Variants in ADAMTS6 observed in about 807,000 individuals in gnomAD.
ADAMTS6 encodes the protein ADAM metallopeptidase with thrombospondin type 1 motif 6.
Under a neutral mutation model 144.3 loss-of-function variants are expected in ADAMTS6, and 23 were observed. The ratio of observed to expected loss-of-function variants is 0.16; its 90% CI spans 0.11 to 0.23. ADAMTS6 has a LOEUF of 0.23. ADAMTS6 is among the 10% of genes least tolerant of loss of function. The pLI is 1.00. For missense variants in ADAMTS6, 999 were observed against 1,379.6 expected (o/e 0.72, Z 4.37); for synonymous variants, 444 against 457.5 (o/e 0.97, Z 0.38).
At chr5:65,358,692 G>C (rs530881012) in intron 7 of ADAMTS6, among the ~76,000 whole-genome samples, 1 of 152,002 alleles carries the variant, frequency 6.6e-6, no homozygotes, top group Non-Finnish European at 1.5e-5. Flanking sequence ...TAGCCCAAGG[G>C]AACAGAACAG....
rs568032786 is a variant in ADAMTS6 at position 65,320,985 on chromosome 5, A to G, written c.1223+8393T>C. 2.0e-5 allele frequency among the ~76,000 whole-genome samples: 3 copies of G among 152,210 alleles called. 1 individual carries two copies. The South Asian group carries it at 6.2e-4, about 32-fold the overall frequency. Reference sequence around the variant, plus strand: ...TTTAGGTTGATTTCATGTCTTTGCTATTGTGCATAGGGCTGCAATGAACAT... The same window carrying G: ...TTTAGGTTGATTTCATGTCTTTGCTGTTGTGCATAGGGCTGCAATGAACAT... On this transcript the variant is annotated intron_variant, in intron 9 of 24. Transcript: ENST00000381055.
At chr5:65,370,781 A>G (rs1436628010) in intron 7 of ADAMTS6, among the ~76,000 whole-genome samples, 1 of 152,210 alleles carries the variant, frequency 6.6e-6, no homozygotes, top group African/African-American at 2.4e-5. Context: ...CCACAGCTCA[A>G]GGAGGCCTGC....
intron 22 of ADAMTS6, among the ~76,000 whole-genome samples, chr5:65,185,116 TTC>T (rs1754592294): frequency 6.6e-6 from 1 of 152,228 alleles, no homozygotes. Flanking sequence ...CGCTGGGACC[TTC>T]TCTTTTCATT....
chr5:65,357,629 C>A lies in ADAMTS6; in HGVS notation c.1074-23544G>T, dbSNP rs181098119. Among the ~76,000 whole-genome samples, 1,344 of 148,956 alleles carry A rather than the reference C, an allele frequency of 9.0e-3. 22 individuals are homozygous for A. Among genetic ancestry groups the A allele is most frequent in the African/African-American group, 0.032 (1,269 of 40,136 alleles). ...GCTAGACTAAAAAATAAGAAAGTTT[C>A]AAAAAAAACATAAACAAAAGAGATG... On this transcript the variant is annotated intron_variant, in intron 7 of 24. Coordinates refer to ENST00000381055, the MANE Select transcript of ADAMTS6 (RefSeq NM_197941.4).
intron 7 of ADAMTS6, among the ~76,000 whole-genome samples, chr5:65,337,367 T>G (rs1436926982): frequency 6.6e-6 from 1 of 152,148 alleles, no homozygotes; most frequent in African/African-American, 2.4e-5. Flanking sequence ...TCTCATATTT[T>G]ACCTTTTTCA....
At chr5:65,435,861 A>G (rs1274760698) in intron 7 of ADAMTS6, among the ~76,000 whole-genome samples, 2 of 151,974 alleles carry the variant, frequency 1.3e-5, no homozygotes, top group East Asian at 3.9e-4. Flanking sequence ...CCAGACCTCA[A>G]GTGATCCACC....
chr5:65,190,221 T>C (rs2112186879), intron 21 of ADAMTS6, among the ~76,000 whole-genome samples: 1 of 152,352 alleles, frequency 6.6e-6, no homozygotes, highest in Middle Eastern at 3.4e-3. Flanking sequence ...CTAAAATTCA[T>C]TTAAAGAATG....
At chr5:65,352,547 G>T (rs545937799) in intron 7 of ADAMTS6, among the ~76,000 whole-genome samples, 22 of 152,060 alleles carry the variant, frequency 1.4e-4, no homozygotes, top group African/African-American at 4.8e-4. Flanking sequence ...GAAAAATCCT[G>T]TCCTACACAA....
intron 7 of ADAMTS6, among the ~76,000 whole-genome samples, chr5:65,447,998 T>C (rs1327958751): frequency 6.6e-6 from 1 of 150,752 alleles, no homozygotes; most frequent in African/African-American, 2.4e-5. Flanking sequence ...AGCTGCTCTT[T>C]GGTATAGCAT....
chr5:65,233,280 G>T (rs1022167243), intron 15 of ADAMTS6, among the ~76,000 whole-genome samples: 2 of 151,976 alleles, frequency 1.3e-5, no homozygotes, highest in African/African-American at 4.8e-5. Context: ...TCAGGAACAA[G>T]GTAACGATGC....
chr5:65,479,607 CT>C (rs1761068944), intron 1 of ADAMTS6, among the ~76,000 whole-genome samples: 1 of 152,194 alleles, frequency 6.6e-6, no homozygotes, highest in Admixed American at 6.5e-5. Context: ...TCCAAATATG[CT>C]GTTAACTATC....
At chr5:65,290,260 T>C (rs866990115) in intron 11 of ADAMTS6, among the ~76,000 whole-genome samples, 1 of 152,088 alleles carries the variant, frequency 6.6e-6, no homozygotes, top group Non-Finnish European at 1.5e-5. Context: ...TGCATAGAAA[T>C]AGAAATCAGG....
At chr5:65,398,850 A>AAGAG (rs1561502083) in intron 7 of ADAMTS6, among the ~76,000 whole-genome samples, 11 of 133,718 alleles carry the variant, frequency 8.2e-5, no homozygotes, top group Admixed American at 1.5e-4. Flanking sequence ...GAAAGAAAGA[A>AAGAG]AAAGAAAGAG....
At chr5:65,172,752 T>C (rs1484377099) in intron 23 of ADAMTS6, 80 bp downstream of exon 23, 52 of 1,511,222 alleles carry the variant, frequency 3.4e-5, no homozygotes, top group Non-Finnish European at 4.6e-5. Flanking sequence ...TCTCAAGCCC[T>C]TACAATGATC....
chr5:65,310,146 G>A (rs182846985), intron 9 of ADAMTS6, among the ~76,000 whole-genome samples: 109 of 151,816 alleles, frequency 7.2e-4, no homozygotes, highest in African/African-American at 2.2e-3. Context: ...CCCGCCATGC[G>A]AGATACCTCA....
chr5:65,314,870 C>T (rs575490053), intron 9 of ADAMTS6, among the ~76,000 whole-genome samples: 132 of 152,100 alleles, frequency 8.7e-4, no homozygotes, highest in Non-Finnish European at 1.8e-4. Context: ...AAAATGACAT[C>T]GCTCAGGAAC....
intron 7 of ADAMTS6, among the ~76,000 whole-genome samples, chr5:65,377,291 G>A (rs1751655741): frequency 6.6e-6 from 1 of 152,068 alleles, no homozygotes; most frequent in Non-Finnish European, 1.5e-5. Flanking sequence ...GACCCATACT[G>A]CCTTGCTTAC....
At chr5:65,406,427 C>CTT (rs1292412839) in intron 7 of ADAMTS6, among the ~76,000 whole-genome samples, 2 of 152,050 alleles carry the variant, frequency 1.3e-5, no homozygotes, top group African/African-American at 4.8e-5. Flanking sequence ...GTCTTTGGTT[C>CTT]TGTTTATATG....
intron 7 of ADAMTS6, among the ~76,000 whole-genome samples, chr5:65,435,336 A>G (rs1202240221): frequency 6.6e-6 from 1 of 152,188 alleles, no homozygotes; most frequent in Non-Finnish European, 1.5e-5. Context: ...TGGGTGCAGG[A>G]AAGCTTTCAA....
Sources: gnomAD v4.1 joint callset for allele counts (sites outside exome capture counted in the v4.1 genomes callset) on GRCh38, gnomAD v4.1.1 for gene constraint, MANE v1.5 for transcripts, NCBI Gene and HGNC (gene_info 2026-07-23, HGNC 2026-07-21) for gene names.